Variants in ULK4 observed in about 807,000 individuals in gnomAD.
ULK4 encodes the protein unc-51 like kinase 4.
Under a neutral mutation model 160.6 loss-of-function variants are expected in ULK4, and 133 were observed. That is an observed-to-expected ratio of 0.83 (90% confidence interval 0.72 to 0.96). The LOEUF (loss-of-function observed/expected upper bound fraction) is 0.96, where lower values mean the gene tolerates loss of function less well. ULK4 is among the 40% of genes least tolerant of loss of function. The pLI is 0.00. For synonymous variants in ULK4, 534 were observed against 539.8 expected, an observed-to-expected ratio of 0.99 and a Z score of 0.15; for missense variants, 1,580 against 1,499.5, an observed-to-expected ratio of 1.05 and a Z score of -0.89.
At chr3:41,515,729 G>T (rs554059706) in intron 32 of ULK4, among the ~76,000 whole-genome samples, 201 of 152,238 alleles carry the variant, frequency 1.3e-3, no homozygotes, top group African/African-American at 4.4e-3. Flanking sequence ...AGGAGGGAAA[G>T]TGCCCCCATG....
chr3:41,641,607 A>C lies in ULK4; in HGVS notation c.3071+22000T>G, dbSNP rs2034197782. ...CAGCTAAAACTTTTAAATCATAAAA[A>C]CCACTGGCCCTAAAGCCTGGAAGAC... On this transcript the variant is annotated intron_variant, in intron 30 of 36. Transcript: ENST00000301831. 3.3e-5 allele frequency among the ~76,000 whole-genome samples: 5 copies of C among 152,272 alleles called. No individual in the cohort carries two copies. The South Asian group carries it at 1.0e-3, about 32-fold the overall frequency.
At chr3:41,484,074 G>A (rs4973954) in intron 32 of ULK4, among the ~76,000 whole-genome samples, 63,914 of 151,420 alleles carry the variant, frequency 0.42, 13,650 homozygotes, top group African/African-American at 0.48. Context: ...AGGAAGTAGC[G>A]AACATAATTT....
chr3:41,574,588 C>CTGCA (rs2088123219), intron 31 of ULK4, among the ~76,000 whole-genome samples: 1 of 138,622 alleles, frequency 7.2e-6, no homozygotes, highest in Non-Finnish European at 1.5e-5. Flanking sequence ...GCCACCCAGG[C>CTGCA]TGCAGTGCAG....
At chr3:41,425,984 G>A (rs1472814199) in intron 34 of ULK4, among the ~76,000 whole-genome samples, 1 of 152,122 alleles carries the variant, frequency 6.6e-6, no homozygotes, top group Non-Finnish European at 1.5e-5. Flanking sequence ...GCACAGAATG[G>A]CAAGCAGGAT....
intron 35 of ULK4, among the ~76,000 whole-genome samples, chr3:41,274,712 A>G (rs1051161329): frequency 6.4e-4 from 97 of 152,288 alleles, no homozygotes; most frequent in African/African-American, 2.2e-3. Flanking sequence ...TTGATTTATT[A>G]GTTCCCTTAG....
intron 31 of ULK4, among the ~76,000 whole-genome samples, chr3:41,577,897 G>A (rs1473975644): frequency 1.3e-5 from 2 of 152,176 alleles, no homozygotes; most frequent in Non-Finnish European, 2.9e-5. Flanking sequence ...CTTTAAAACA[G>A]ATAAATTTTT....
chr3:41,870,818 G>A (rs1042053407), intron 17 of ULK4, among the ~76,000 whole-genome samples: 1 of 151,958 alleles, frequency 6.6e-6, no homozygotes, highest in Non-Finnish European at 1.5e-5. Context: ...CCTAACCCCT[G>A]GCAACCACTG....
chr3:41,898,281 T>C (rs555697505), intron 14 of ULK4, 151 bp downstream of exon 14: 2 of 522,258 alleles, frequency 3.8e-6, no homozygotes, highest in South Asian at 3.2e-5. Context: ...ACAGATTGTT[T>C]ACAATTCGTG....
intron 35 of ULK4, among the ~76,000 whole-genome samples, chr3:41,312,078 A>C (rs2080062076): frequency 6.6e-6 from 1 of 151,898 alleles, no homozygotes; most frequent in Admixed American, 6.6e-5. Context: ...GGCTCCAGCT[A>C]ACCTCCTGCC....
intron 30 of ULK4, among the ~76,000 whole-genome samples, chr3:41,652,244 T>C (rs1248947612): frequency 6.6e-6 from 1 of 152,052 alleles, no homozygotes; most frequent in Non-Finnish European, 1.5e-5. Flanking sequence ...CCTGAAAATA[T>C]AAATAACATC....
chr3:41,513,240 CAA>C (rs1372181010), intron 32 of ULK4, among the ~76,000 whole-genome samples: 1 of 152,172 alleles, frequency 6.6e-6, no homozygotes, highest in African/African-American at 2.4e-5. Flanking sequence ...CTGGCTTAGG[CAA>C]AGACTTCATA....
In ULK4 at chr3:41,489,991, T is replaced by C. The variant is rs1418434504; in HGVS notation, c.3227-26738A>G. Among the ~76,000 whole-genome samples the C allele has an allele frequency of 5.9e-5, 9 of 152,328 alleles. No individual in the cohort carries two copies. In the South Asian group the frequency reaches 1.7e-3, roughly 28 times the overall value. On this transcript the variant is annotated intron_variant, in intron 32 of 36. Coordinates refer to ENST00000301831, the MANE Select transcript of ULK4 (RefSeq NM_017886.4). ...CAACAGTCAAAAGGCATAATGACTT[T>C]TTCTGTCCCTATGATTTGAAACCTT...
intron 35 of ULK4, among the ~76,000 whole-genome samples, chr3:41,328,414 G>A (rs1039874402): frequency 3.3e-5 from 5 of 152,124 alleles, no homozygotes; most frequent in Non-Finnish European, 7.4e-5. Flanking sequence ...AAACGAGACA[G>A]TAGACAAAAG....
chr3:41,287,115 G>C (rs2079475930), intron 35 of ULK4, among the ~76,000 whole-genome samples: 1 of 152,166 alleles, frequency 6.6e-6, no homozygotes, highest in Non-Finnish European at 1.5e-5. Flanking sequence ...ATAGCCCTAG[G>C]AGCTTATGGC....
chr3:41,327,716 GGAT>G (rs1288571843), intron 35 of ULK4, among the ~76,000 whole-genome samples: 1 of 152,154 alleles, frequency 6.6e-6, no homozygotes, highest in East Asian at 1.9e-4. Flanking sequence ...ATGCTAATTA[GGAT>G]GATAAGTTGT....
chr3:41,398,299 T>C lies in ULK4; in HGVS notation c.3493-35A>G, dbSNP rs1487571. 295,298 of 1,601,002 alleles carry C rather than the reference T, an allele frequency of 0.18. 28,655 individuals carry two copies. Among genetic ancestry groups the C allele is most frequent in the Admixed American group, 0.24 (13,666 of 56,634 alleles). ...AACAAATAAGACTATTTAAATTTCC[T>C]TGAAGACGGTATTAGTACTCAAAAA... On this transcript the variant is annotated intron_variant, in intron 34 of 36. Transcript: ENST00000301831.
chr3:41,439,262 C>A (rs1165665583), intron 34 of ULK4, among the ~76,000 whole-genome samples: 1 of 152,066 alleles, frequency 6.6e-6, no homozygotes, highest in Non-Finnish European at 1.5e-5. Flanking sequence ...GAAATTTGGG[C>A]CTTGCATTTG....
At position 41,670,516 on chromosome 3, in the gene ULK4, G is replaced by C. The variant is rs188649561; in HGVS notation, c.2979-6817C>G. Among the ~76,000 whole-genome samples, 621 of 152,086 alleles carry C rather than the reference G, an allele frequency of 4.1e-3. 4 individuals carry two copies. The highest frequency in any genetic ancestry group is 6.2e-3 in the Non-Finnish European group (422 of 67,968). On this transcript the variant is annotated intron_variant, in intron 29 of 36. Transcript: ENST00000301831. The stretch of plus-strand genomic sequence containing the variant: ...AATTAAATGGATATGTAAATGAATA[G>C]TGAAATGGACAGTTGGGTGGGAAAA...
At chr3:41,961,058 CTCT>C (rs1336845837) in intron 1 of ULK4, among the ~76,000 whole-genome samples, 1 of 152,188 alleles carries the variant, frequency 6.6e-6, no homozygotes. Flanking sequence ...ACAGTTTAGT[CTCT>C]TAACCTATAG....
Sources: allele counts gnomAD v4.1 joint callset (sites outside exome capture counted in the v4.1 genomes callset), GRCh38; gene constraint gnomAD v4.1.1; transcripts MANE v1.5; gene names NCBI Gene and HGNC (gene_info 2026-07-23, HGNC 2026-07-21).